The following ENTHD1 variants were observed in gnomAD, a reference collection of about 807,000 sequenced individuals.
ENTHD1 encodes ENTH domain containing 1.
In ENTHD1, 23 loss-of-function variants were observed where a neutral mutation model predicts 39.1. That is an observed-to-expected ratio of 0.59 (90% confidence interval 0.42 to 0.83). ENTHD1 has a LOEUF of 0.83. Among genes scored for constraint, ENTHD1 ranks in the 40% least tolerant of loss-of-function variants. The pLI, the probability that ENTHD1 is intolerant of heterozygous loss-of-function variation, is 0.00. For missense variants in ENTHD1, 624 were observed against 705.4 expected (o/e 0.88, Z 1.31); for synonymous variants, 230 against 258.2 (o/e 0.89, Z 1.05).
In ENTHD1 at chr22:39,877,137, A is replaced by G. The variant is rs141141975; in HGVS notation, c.349+10263T>C. ...TGCCCACTCCTGTGAGGTTGAGCCT[A>G]AATTGTAATGGGTCTTAACCTAAGA... On this transcript the variant is annotated intron_variant, in intron 2 of 6. Coordinates refer to ENST00000325157, the MANE Select transcript of ENTHD1 (RefSeq NM_152512.4). Among the ~76,000 whole-genome samples the G allele has an allele frequency of 2.5e-3, 381 of 152,308 alleles. 1 individual carries two copies. Among genetic ancestry groups the G allele is most frequent in the African/African-American group, 8.6e-3 (356 of 41,566 alleles).
At chr22:39,770,187 A>T (rs961396325) in intron 5 of ENTHD1, among the ~76,000 whole-genome samples, 4 of 152,128 alleles carry the variant, frequency 2.6e-5, no homozygotes, top group African/African-American at 9.7e-5. Context: ...TTGCTTTGTG[A>T]TACTGGAGCT....
intron 6 of ENTHD1, among the ~76,000 whole-genome samples, chr22:39,757,741 A>T (rs575175766): frequency 6.6e-6 from 1 of 152,102 alleles, no homozygotes; most frequent in East Asian, 1.9e-4. Flanking sequence ...ATATGGTTTG[A>T]CTGTGTTCCC....
chr22:39,837,559 G>A (rs2065915394), intron 3 of ENTHD1, among the ~76,000 whole-genome samples: 1 of 152,170 alleles, frequency 6.6e-6, no homozygotes, highest in East Asian at 1.9e-4. Context: ...CTAATGGTCT[G>A]TCTGTCCAGA....
intron 4 of ENTHD1, among the ~76,000 whole-genome samples, chr22:39,830,977 A>C (rs1305467447): frequency 1.3e-5 from 2 of 152,244 alleles, no homozygotes; most frequent in Non-Finnish European, 2.9e-5. Flanking sequence ...ACAGAAACAA[A>C]TAATGGTAAG....
chr22:39,770,108 A>G (rs1342382870), intron 5 of ENTHD1, among the ~76,000 whole-genome samples: 1 of 152,188 alleles, frequency 6.6e-6, no homozygotes, highest in Non-Finnish European at 1.5e-5. Context: ...GATGCTGAGT[A>G]GGCAATGGAT....
At chr22:39,754,032 C>G (rs2065166490) in intron 6 of ENTHD1, among the ~76,000 whole-genome samples, 1 of 152,142 alleles carries the variant, frequency 6.6e-6, no homozygotes, top group African/African-American at 2.4e-5. Context: ...CCCTTGCTGC[C>G]ATGTATTCTG....
intron 5 of ENTHD1, among the ~76,000 whole-genome samples, chr22:39,801,837 G>C (rs2065600978): frequency 6.6e-6 from 1 of 151,992 alleles, no homozygotes; most frequent in South Asian, 2.1e-4. Flanking sequence ...GAAAGGTTCA[G>C]ATTTCTAAAT....
chr22:39,766,981 A>G (rs548680228), intron 5 of ENTHD1, among the ~76,000 whole-genome samples: 7 of 152,248 alleles, frequency 4.6e-5, no homozygotes, highest in South Asian at 2.1e-4. Flanking sequence ...ATTATTGTCT[A>G]TCTTCACATG....
At chr22:39,872,703 A>C (rs1330081642) in intron 2 of ENTHD1, among the ~76,000 whole-genome samples, 2 of 152,176 alleles carry the variant, frequency 1.3e-5, no homozygotes, top group African/African-American at 4.8e-5. Flanking sequence ...ATGGGAGAGG[A>C]TACAATGGGG....
chr22:39,789,044 G>A (rs1032375834), intron 5 of ENTHD1, among the ~76,000 whole-genome samples: 4 of 152,068 alleles, frequency 2.6e-5, no homozygotes, highest in African/African-American at 7.2e-5. Flanking sequence ...GCTTTATTGC[G>A]GTGGTCTGGA....
At chr22:39,841,688 C>T (rs2146686471) in intron 3 of ENTHD1, among the ~76,000 whole-genome samples, 1 of 150,028 alleles carries the variant, frequency 6.7e-6, no homozygotes, top group African/African-American at 2.4e-5. Context: ...GACTCTTTAT[C>T]CAATTTGCCA....
intron 5 of ENTHD1, among the ~76,000 whole-genome samples, chr22:39,785,944 G>C (rs2065453643): frequency 6.6e-6 from 1 of 152,102 alleles, no homozygotes; most frequent in Non-Finnish European, 1.5e-5. Flanking sequence ...TTGTCAACTT[G>C]ACCTTTCCCT....
At chr22:39,876,907 G>A (rs1482291475) in intron 2 of ENTHD1, among the ~76,000 whole-genome samples, 1 of 152,102 alleles carries the variant, frequency 6.6e-6, no homozygotes, top group Admixed American at 6.5e-5. Context: ...CCTACCCCAA[G>A]GCAAGGTACT....
chr22:39,863,766 A>G (rs563989341), intron 2 of ENTHD1, among the ~76,000 whole-genome samples: 1 of 152,284 alleles, frequency 6.6e-6, no homozygotes, highest in South Asian at 2.1e-4. Context: ...TTTTCTAACT[A>G]TAATTTACTA....
chr22:39,789,003 A>AAAATATGT (rs2065482120), intron 5 of ENTHD1, among the ~76,000 whole-genome samples: 1 of 152,212 alleles, frequency 6.6e-6, no homozygotes, highest in South Asian at 2.1e-4. Context: ...GGGAGACCAG[A>AAAATATGT]AAATATGTGT....
At chr22:39,793,173 C>T (rs891677430) in intron 5 of ENTHD1, among the ~76,000 whole-genome samples, 1 of 151,920 alleles carries the variant, frequency 6.6e-6, no homozygotes, top group African/African-American at 2.4e-5. Flanking sequence ...TTTGCATTTC[C>T]CTGATGACAA....
Position 39,887,393 on chromosome 22 carries a change from C to A in ENTHD1, c.349+7G>T. ...ACCCAGCTTATATAAACTTCTTTAA[C>A]CATTACCTTGGTCTTTTCCAGCTTC... On this transcript the variant is annotated splice_region_variant and intron_variant, in intron 2 of 6. Coordinates refer to ENST00000325157, the MANE Select transcript of ENTHD1 (RefSeq NM_152512.4). 2 of 1,593,232 alleles carry A rather than the reference C, an allele frequency of 1.3e-6. No homozygotes were observed. Among genetic ancestry groups the A allele is most frequent in the Admixed American group, 1.7e-5 (1 of 57,814 alleles).
At chr22:39,886,432 A>G (rs1257021250) in intron 2 of ENTHD1, among the ~76,000 whole-genome samples, 2 of 152,220 alleles carry the variant, frequency 1.3e-5, no homozygotes, top group Non-Finnish European at 2.9e-5. Flanking sequence ...GCATTTGTTG[A>G]TAAACTGTAA....
chr22:39,757,544 G>A (rs548739913), intron 6 of ENTHD1, among the ~76,000 whole-genome samples: 2 of 152,162 alleles, frequency 1.3e-5, no homozygotes, highest in South Asian at 4.2e-4. Flanking sequence ...GGGCATGGTG[G>A]CACGTGCCTG....
Sources: gnomAD v4.1 joint callset for allele counts (sites outside exome capture counted in the v4.1 genomes callset) on GRCh38, gnomAD v4.1.1 for gene constraint, MANE v1.5 for transcripts, NCBI Gene and HGNC (gene_info 2026-07-23, HGNC 2026-07-21) for gene names.